DSCAM: variants seen among roughly 807,000 people sequenced by gnomAD.
DSCAM encodes the protein DS cell adhesion molecule.
DSCAM carries 47 observed loss-of-function variants against 217.7 expected under a neutral mutation model. The observed-to-expected ratio is 0.22, with a 90% CI of 0.17 to 0.28. DSCAM has a LOEUF of 0.28. Ranked by LOEUF, DSCAM falls within the 10% of genes least tolerant of loss-of-function variation. The probability of loss-of-function intolerance (pLI) is 1.00; values close to 1 mark genes in which losing one functional copy is unlikely to be tolerated. For synonymous variants in DSCAM, 1,056 were observed against 1,015.3 expected, an observed-to-expected ratio of 1.04 and a Z score of -0.76; for missense variants, 2,080 against 2,618.3, an observed-to-expected ratio of 0.79 and a Z score of 4.49.
At chr21:40,164,242 C>A (rs140819078) in intron 16 of DSCAM, among the ~76,000 whole-genome samples, 1 of 152,276 alleles carries the variant, frequency 6.6e-6, no homozygotes, top group Non-Finnish European at 1.5e-5. Flanking sequence ...GGCAGTCATG[C>A]ACAATCTGAG....
Position 40,179,025 on chromosome 21 carries a change from A to G in DSCAM, c.2849T>C (p.Ile950Thr), listed in dbSNP as rs372878445. 30 of 1,613,976 alleles carry G rather than the reference A, an allele frequency of 1.9e-5. No homozygotes were observed. The African/African-American group carries it at 3.5e-4, about 19-fold the overall frequency. Residue 950 changes from isoleucine (I) to threonine (T), a missense_variant, in exon 15 of 33, where the codon ATC becomes ACC. Physicochemically the swap from Ile to Thr is moderately conservative, Grantham distance 89. Transcript: ENST00000400454. ...GATGCTGTAGGTGGAGGAAGGGTGG[A>G]TATCAATGATGGTGGCCGAGTTCAG... ...PQLNSATIID[I>T]HPSSTYSIRM...
chr21:40,567,702 G>A (rs373183728), intron 3 of DSCAM, among the ~76,000 whole-genome samples: 2 of 152,218 alleles, frequency 1.3e-5, no homozygotes, highest in African/African-American at 4.8e-5. Flanking sequence ...GGGAATGCCA[G>A]CTCCACAAGG....
chr21:40,333,036 T>A (rs1284235203), intron 8 of DSCAM, among the ~76,000 whole-genome samples: 2 of 152,194 alleles, frequency 1.3e-5, no homozygotes, highest in Non-Finnish European at 2.9e-5. Context: ...CCACTTCCAC[T>A]TCCCAAGGAA....
intron 14 of DSCAM, among the ~76,000 whole-genome samples, chr21:40,180,365 G>A (rs1474002555): frequency 6.6e-6 from 1 of 152,208 alleles, no homozygotes. Flanking sequence ...CTCAGAGAAT[G>A]AAGCCTAATA....
chr21:40,536,358 C>T (rs1160279026), intron 3 of DSCAM, among the ~76,000 whole-genome samples: 1 of 151,488 alleles, frequency 6.6e-6, no homozygotes, highest in East Asian at 1.9e-4. Context: ...TTTTCCAATA[C>T]TCTACCAATG....
chr21:40,153,506 A>G (rs1353736766), intron 16 of DSCAM, among the ~76,000 whole-genome samples: 1 of 152,174 alleles, frequency 6.6e-6, no homozygotes, highest in African/African-American at 2.4e-5. Context: ...GAGAGGCTCA[A>G]GTGACTCTGG....
chr21:40,391,376 A>G (rs930673763), intron 3 of DSCAM, among the ~76,000 whole-genome samples: 1 of 152,354 alleles, frequency 6.6e-6, no homozygotes, highest in Middle Eastern at 3.4e-3. Flanking sequence ...GCTGTTTGAA[A>G]TAAGAGTGCT....
At chr21:40,618,326 A>G (rs1318813021) in intron 3 of DSCAM, among the ~76,000 whole-genome samples, 3 of 152,210 alleles carry the variant, frequency 2.0e-5, no homozygotes, top group African/African-American at 7.2e-5. Flanking sequence ...CCTTTATGGA[A>G]CTTCCACATG....
At chr21:40,178,403 A>G (rs1819995835) in intron 15 of DSCAM, among the ~76,000 whole-genome samples, 1 of 152,216 alleles carries the variant, frequency 6.6e-6, no homozygotes, top group Non-Finnish European at 1.5e-5. Context: ...AACACTAAAT[A>G]TAATGTTGTT....
At chr21:40,536,775 G>A (rs939042005) in intron 3 of DSCAM, among the ~76,000 whole-genome samples, 3 of 152,116 alleles carry the variant, frequency 2.0e-5, no homozygotes, top group Admixed American at 1.3e-4. Flanking sequence ...ATAATATAAC[G>A]GCTGACACAG....
intron 1 of DSCAM, among the ~76,000 whole-genome samples, chr21:40,750,709 C>G (rs1193693011): frequency 6.6e-6 from 1 of 151,970 alleles, no homozygotes; most frequent in Non-Finnish European, 1.5e-5. Flanking sequence ...AGCCCCTGAT[C>G]TTCCTTCCCT....
intron 3 of DSCAM, among the ~76,000 whole-genome samples, chr21:40,509,191 G>C (rs190380073): frequency 2.6e-5 from 4 of 152,152 alleles, no homozygotes; most frequent in Admixed American, 2.6e-4. Context: ...ACACAAGCAA[G>C]GGAAGAACTT....
chr21:40,037,876 A>T (rs2088657496), intron 32 of DSCAM, among the ~76,000 whole-genome samples: 1 of 146,974 alleles, frequency 6.8e-6, no homozygotes, highest in Non-Finnish European at 1.5e-5. Context: ...ATCTACAACT[A>T]TCTGATCTTT....
rs2088137837 is a variant in DSCAM at position 40,015,356 on chromosome 21, C to G, written c.5687-1970G>C. 2.0e-5 allele frequency among the ~76,000 whole-genome samples: 3 copies of G among 152,012 alleles called. No homozygotes were observed. In the South Asian group the frequency reaches 6.2e-4, roughly 32 times the overall value. ...CACCATCCTTCCATCCTTGAAACCT[C>G]AGAGGTTTCACTGACACCTTTCTCT... On this transcript the variant is annotated intron_variant, in intron 32 of 32. Coordinates refer to ENST00000400454, the MANE Select transcript of DSCAM (RefSeq NM_001389.5).
chr21:40,588,490 G>A (rs987883081), intron 3 of DSCAM, among the ~76,000 whole-genome samples: 8 of 152,162 alleles, frequency 5.3e-5, no homozygotes, highest in African/African-American at 1.9e-4. Context: ...TTCAGCAAGT[G>A]GTGATGAGGA....
At chr21:40,436,529 A>G (rs1166166442) in intron 3 of DSCAM, among the ~76,000 whole-genome samples, 1 of 152,174 alleles carries the variant, frequency 6.6e-6, no homozygotes, top group Non-Finnish European at 1.5e-5. Flanking sequence ...TTTAACAATT[A>G]AGATAGATTC....
chr21:40,671,041 A>G (rs750611974), intron 3 of DSCAM, among the ~76,000 whole-genome samples: 13 of 152,328 alleles, frequency 8.5e-5, no homozygotes, highest in Non-Finnish European at 1.5e-4. Context: ...TAAAAATACT[A>G]CTTTGCCATA....
At chr21:40,736,557 C>T (rs1023225468) in intron 1 of DSCAM, among the ~76,000 whole-genome samples, 73 of 152,190 alleles carry the variant, frequency 4.8e-4, no homozygotes, top group African/African-American at 1.7e-3. Flanking sequence ...TTGTGACCAA[C>T]CCTGTCACTG....
chr21:40,319,832 A>C (rs2074240635), intron 8 of DSCAM, among the ~76,000 whole-genome samples: 1 of 152,212 alleles, frequency 6.6e-6, no homozygotes, highest in African/African-American at 2.4e-5. Context: ...CAAGAGATTA[A>C]AGGTGGTAAA....
Sources: gnomAD v4.1 joint callset for allele counts (sites outside exome capture counted in the v4.1 genomes callset) on GRCh38, gnomAD v4.1.1 for gene constraint, MANE v1.5 for transcripts, NCBI Gene and HGNC (gene_info 2026-07-23, HGNC 2026-07-21) for gene names.